The following SLC24A1 variants were observed in gnomAD, a reference collection of about 807,000 sequenced individuals.
SLC24A1 encodes sodium/potassium/calcium exchanger 1.
Under a neutral mutation model 88.1 loss-of-function variants are expected in SLC24A1, and 52 were observed. The observed-to-expected ratio is 0.59, with a 90% CI of 0.47 to 0.74. The LOEUF is 0.74. Among genes scored for constraint, SLC24A1 ranks in the 30% least tolerant of loss-of-function variants. The pLI, the probability that SLC24A1 is intolerant of heterozygous loss-of-function variation, is 0.00. For synonymous variants in SLC24A1, 455 were observed against 498.0 expected, an observed-to-expected ratio of 0.91 and a Z score of 1.15; for missense variants, 1,173 against 1,363.3, an observed-to-expected ratio of 0.86 and a Z score of 2.20.
chr15:65,647,567 A>G (rs1384697203), intron 6 of SLC24A1, among the ~76,000 whole-genome samples: 2 of 151,920 alleles, frequency 1.3e-5, no homozygotes, highest in African/African-American at 4.8e-5. Context: ...CTTGCATCCA[A>G]CTGGTTGTGG....
chr15:65,646,648 C>T (rs1016368144), intron 6 of SLC24A1, among the ~76,000 whole-genome samples: 1 of 152,128 alleles, frequency 6.6e-6, no homozygotes, highest in Non-Finnish European at 1.5e-5. Flanking sequence ...AAGGCAAGAT[C>T]GAAGTCTGAG....
chr15:65,655,012 A>G lies in SLC24A1; in HGVS notation c.*933A>G. The G allele has an allele frequency of 2.9e-6, 3 of 1,047,672 alleles. No individual in the cohort carries two copies. Among genetic ancestry groups the G allele is most frequent in the Non-Finnish European group, 3.5e-6 (3 of 866,408 alleles). The allele number at this position is 1,047,672 out of a possible 1,614,324, so 64.9% of individuals were successfully genotyped here. ...ATAAAAATTTATAATTTGCCCTTGA[A>G]TTGGAAGGAATGGAGATTAGGGAAG... On this transcript the variant is annotated 3_prime_UTR_variant, in exon 10 of 10. Coordinates refer to ENST00000261892, the MANE Select transcript of SLC24A1 (RefSeq NM_004727.3).
In SLC24A1 at chr15:65,655,908, G is replaced by C. The variant is rs2075667296; in HGVS notation, c.*1829G>C. The C allele has an allele frequency of 1.0e-6, 1 of 985,074 alleles. No individual in the cohort carries two copies. The highest frequency in any genetic ancestry group is 4.7e-5 in the South Asian group (1 of 21,260). The allele number at this position is 985,074 out of a possible 1,614,324, so 61.0% of individuals were successfully genotyped here. The stretch of plus-strand genomic sequence containing the variant: ...CTCATCCTTATCTTTAGGTCATTTG[G>C]TCAGAATCCTCCCGAGAAGACTGAT... On this transcript the variant is annotated 3_prime_UTR_variant, in exon 10 of 10. Transcript: ENST00000261892.
chr15:65,631,204 G>A (rs2074712077), intron 2 of SLC24A1, among the ~76,000 whole-genome samples: 1 of 152,062 alleles, frequency 6.6e-6, no homozygotes, highest in African/African-American at 2.4e-5. Context: ...TTTTCTCCTA[G>A]TGCATATGAT....
At chr15:65,620,467 G>C (rs1307557133), upstream of SLC24A1, among the ~76,000 whole-genome samples, 1 of 152,114 alleles carries the variant, frequency 6.6e-6, no homozygotes, top group Non-Finnish European at 1.5e-5. Context: ...TACAGGATGA[G>C]AGGTTTATAA....
chr15:65,654,348 C>T lies in SLC24A1; in HGVS notation c.*269C>T. ...TTACATGGAGGCAGTAGAAGGACCC[C>T]TGGAGCCAGAGGGTTTTCTAAATGA... On this transcript the variant is annotated 3_prime_UTR_variant, in exon 10 of 10. Transcript: ENST00000261892. The T allele has an allele frequency of 8.0e-7, 1 of 1,252,830 alleles. No homozygotes were observed. Among genetic ancestry groups the T allele is most frequent in the Non-Finnish European group, 1.0e-6 (1 of 996,106 alleles). The allele number at this position is 1,252,830 out of a possible 1,614,324, so 77.6% of individuals were successfully genotyped here.
In SLC24A1 at chr15:65,650,963, C is replaced by T. The variant is rs552744452; in HGVS notation, c.2793+21C>T. ...GGCAGGTGAGTGTGCCCATCTGTATCTCAGACTCTTTATCCCCAGCAGGGC... is the reference window on the plus strand; with the variant it reads ...GGCAGGTGAGTGTGCCCATCTGTATTTCAGACTCTTTATCCCCAGCAGGGC... On this transcript the variant is annotated intron_variant, in intron 7 of 9. Coordinates refer to ENST00000261892, the MANE Select transcript of SLC24A1 (RefSeq NM_004727.3). This position sits in a 1 kb window ranked among gnomAD's most constrained non-coding sequence, Gnocchi z 4.1. 3 of 1,605,502 alleles carry T rather than the reference C, an allele frequency of 1.9e-6. No homozygotes were observed. In the East Asian group the frequency reaches 6.7e-5, roughly 36 times the overall value.
At chr15:65,644,276 A>G in intron 4 of SLC24A1, 151 bp from the exon 5 acceptor site, 1 of 682,580 alleles carries the variant, frequency 1.5e-6, no homozygotes, top group South Asian at 1.6e-5. Context: ...GCCTCGTAGG[A>G]TCAGAATCCA....
Position 65,625,945 on chromosome 15 carries a change from T to A in SLC24A1, c.1865T>A (p.Val622Asp). 1 of 1,613,430 alleles carries A rather than the reference T, an allele frequency of 6.2e-7. No individual in the cohort carries two copies. Among genetic ancestry groups the A allele is most frequent in the Non-Finnish European group, 8.5e-7 (1 of 1,179,370 alleles). ...CTCAGCAGGAGGCCAGTGGCCAAGGTCATGGCCTTAGAAGACCTCAGCAAG... is the reference window on the plus strand; with the variant it reads ...CTCAGCAGGAGGCCAGTGGCCAAGGACATGGCCTTAGAAGACCTCAGCAAG... ...EQLSRRPVAK[V>D]MALEDLSKPG... The change falls in exon 2 of 10, where the codon GTC (valine) becomes GAC (aspartate). Residue 622 changes from valine (V) to aspartate (D), a missense_variant. Transcript: ENST00000261892.
intron 5 of SLC24A1, among the ~76,000 whole-genome samples, chr15:65,645,391 G>T (rs1448969297): frequency 6.6e-6 from 1 of 152,220 alleles, no homozygotes; most frequent in Non-Finnish European, 1.5e-5. Context: ...TTATAGGGGA[G>T]CACGGATGGT....
Position 65,650,706 on chromosome 15 carries a change from G to C in SLC24A1, c.2557G>C (p.Gly853Arg). ...TGAGAAAGGTGTAGAAGATGGAGGG[G>C]GAAGTGATGGAGGGGATAGCGAAGA... Reference protein sequence around the residue: ...NDEKGVEDGGGSDGGDSEEEE... With the variant: ...NDEKGVEDGGRSDGGDSEEEE... The change falls in exon 7 of 10, where the codon GGA becomes CGA. Residue 853 changes from glycine to arginine, a missense_variant. Gly to Arg is a moderately radical substitution (Grantham distance 125). Coordinates refer to ENST00000261892, the MANE Select transcript of SLC24A1 (RefSeq NM_004727.3). The surrounding 1 kb of genome is among the most constrained non-coding windows in gnomAD (Gnocchi z 4.1). The C allele has an allele frequency of 6.4e-7, 1 of 1,556,498 alleles. No individual in the cohort carries two copies. Among genetic ancestry groups the C allele is most frequent in the South Asian group, 1.2e-5 (1 of 84,420 alleles).
intron 8 of SLC24A1, chr15:65,652,114 A>G: frequency 2.7e-6 from 1 of 366,946 alleles, no homozygotes; most frequent in Non-Finnish European, 5.3e-6. Context: ...GCTCTCTGGC[A>G]TTCAATTAGT....
Position 65,654,320 on chromosome 15 carries a change from C to G in SLC24A1, c.*241C>G, listed in dbSNP as rs1479630368. Reference sequence around the variant, plus strand: ...TTCTACCCCTGACTCATGCAGACATCTATTACATGGAGGCAGTAGAAGGAC... The same window carrying G: ...TTCTACCCCTGACTCATGCAGACATGTATTACATGGAGGCAGTAGAAGGAC... On this transcript the variant is annotated 3_prime_UTR_variant, in exon 10 of 10. Transcript: ENST00000261892. 12 of 1,315,614 alleles carry G rather than the reference C, an allele frequency of 9.1e-6. No homozygotes were observed. The highest frequency in any genetic ancestry group is 1.2e-5 in the Non-Finnish European group (12 of 1,034,214). 81.5% of individuals were successfully genotyped at this position (1,315,614 alleles called of 1,614,324 possible).
intron 2 of SLC24A1, among the ~76,000 whole-genome samples, chr15:65,635,072 T>G (rs1040054332): frequency 6.6e-6 from 1 of 152,160 alleles, no homozygotes; most frequent in Non-Finnish European, 1.5e-5. Flanking sequence ...TAAATCTGAA[T>G]GGCAGAGAAA....
chr15:65,625,909 T>G lies in SLC24A1; in HGVS notation c.1829T>G (p.Val610Gly), dbSNP rs1555403851. The G allele has an allele frequency of 6.2e-7, 1 of 1,613,860 alleles. No individual in the cohort carries two copies. Among genetic ancestry groups the G allele is most frequent in the Non-Finnish European group, 8.5e-7 (1 of 1,179,884 alleles). ...TGGAACAAGCATATCGAGGTCTGGG[T>G]GAAGGAGCAGCTCAGCAGGAGGCCA... ...MKWNKHIEVWVKEQLSRRPVA... is the reference protein window; with the variant it reads ...MKWNKHIEVWGKEQLSRRPVA... The change falls in exon 2 of 10, where the codon GTG becomes GGG. Residue 610 changes from valine to glycine, a missense_variant. Val to Gly is a moderately radical substitution (Grantham distance 109). Transcript: ENST00000261892.
chr15:65,641,297 T>C (rs2075120041), intron 4 of SLC24A1, among the ~76,000 whole-genome samples: 3 of 152,094 alleles, frequency 2.0e-5, no homozygotes, highest in African/African-American at 4.8e-5. Flanking sequence ...GAGGCAGAGA[T>C]TGCAGTAAGC....
At chr15:65,636,537 G>A (rs888649668) in intron 2 of SLC24A1, among the ~76,000 whole-genome samples, 5 of 151,976 alleles carry the variant, frequency 3.3e-5, no homozygotes, top group African/African-American at 1.2e-4. Context: ...AGCCATGATT[G>A]TGCTACTCCA....
intron 1 of SLC24A1, among the ~76,000 whole-genome samples, chr15:65,623,661 T>A (rs2074396811): frequency 6.6e-6 from 1 of 152,144 alleles, no homozygotes; most frequent in Non-Finnish European, 1.5e-5. Context: ...GGCAGATCTT[T>A]TGCTGAGAGC....
Position 65,654,868 on chromosome 15 carries a change from G to A in SLC24A1, c.*789G>A, listed in dbSNP as rs1407683055. 8.6e-7 allele frequency: 1 copy of A among 1,156,388 alleles called. No homozygotes were observed. Among genetic ancestry groups the A allele is most frequent in the Non-Finnish European group, 1.1e-6 (1 of 913,670 alleles). 71.6% of individuals were successfully genotyped at this position (1,156,388 alleles called of 1,614,324 possible). On this transcript the variant is annotated 3_prime_UTR_variant, in exon 10 of 10. Transcript: ENST00000261892. The stretch of plus-strand genomic sequence containing the variant: ...CCGCCTCGGCCTCCCAAAGTGCTGG[G>A]ATTACAGGCGTCAGCCACCGCGCCT...
Sources: gnomAD v4.1 joint callset for allele counts (sites outside exome capture counted in the v4.1 genomes callset) on GRCh38, gnomAD v4.1.1 for gene constraint, Gnocchi (gnomAD v3.1) non-coding constraint, MANE v1.5 for transcripts, NCBI Gene and HGNC (gene_info 2026-07-23, HGNC 2026-07-21) for gene names.